Variants in WWOX observed in about 807,000 individuals in gnomAD.
The protein encoded by WWOX is WW domain containing oxidoreductase.
A neutral mutation model predicts 46.2 loss-of-function variants in WWOX; 69 were observed. That is an observed-to-expected ratio of 1.49 (90% confidence interval 1.23 to 1.82). WWOX has a LOEUF of 1.82. Among genes scored for constraint, WWOX ranks in the 40% most tolerant of loss-of-function variants. WWOX has a pLI of 0.00. For missense variants in WWOX, 919 were observed against 542.6 expected (o/e 1.69, Z -6.89); for synonymous variants, 359 against 202.6 (o/e 1.77, Z -6.56).
chr16:78,781,823 G>T (rs1393871861), intron 8 of WWOX, among the ~76,000 whole-genome samples: 1 of 152,206 alleles, frequency 6.6e-6, no homozygotes, highest in African/African-American at 2.4e-5. Context: ...CTAAGTAGAA[G>T]TAATGATGAC....
intron 8 of WWOX, among the ~76,000 whole-genome samples, chr16:78,440,975 C>G (rs536197183): frequency 6.6e-6 from 1 of 152,052 alleles, no homozygotes; most frequent in African/African-American, 2.4e-5. Context: ...TGAAGTCTTG[C>G]TCTGTCACCT....
At chr16:78,981,935 A>G (rs1237098697) in intron 8 of WWOX, 1 of 152,168 alleles carries the variant, frequency 6.6e-6, no homozygotes, top group Non-Finnish European at 1.5e-5. Context: ...TGGATGCTAC[A>G]ACTGTATGTC....
chr16:78,260,074 T>A (rs1488546542), intron 5 of WWOX, among the ~76,000 whole-genome samples: 11 of 151,090 alleles, frequency 7.3e-5, no homozygotes, highest in Non-Finnish European at 1.5e-4. Flanking sequence ...ACAGGAGCGT[T>A]TCTGCTGGAA....
intron 8 of WWOX, among the ~76,000 whole-genome samples, chr16:78,726,390 G>A (rs139720282): frequency 1.7e-3 from 257 of 151,846 alleles, no homozygotes; most frequent in East Asian, 5.3e-3. Context: ...CACACGTGGC[G>A]TATTTTTAAA....
chr16:78,430,336 C>G (rs958222296), intron 7 of WWOX, among the ~76,000 whole-genome samples: 1 of 152,038 alleles, frequency 6.6e-6, no homozygotes, highest in African/African-American at 2.4e-5. Context: ...GGGGACACAG[C>G]CGAACCGTAT....
intron 8 of WWOX, among the ~76,000 whole-genome samples, chr16:78,609,228 T>C (rs908179324): frequency 3.9e-5 from 6 of 152,190 alleles, no homozygotes; most frequent in Non-Finnish European, 8.8e-5. Flanking sequence ...TCCTGACAGG[T>C]TTTTGGTGTT....
chr16:79,180,397 T>C (rs2050886993), intron 8 of WWOX, among the ~76,000 whole-genome samples: 1 of 152,238 alleles, frequency 6.6e-6, no homozygotes, highest in Non-Finnish European at 1.5e-5. Context: ...GTTTATTTCT[T>C]CATCAGATAT....
chr16:78,659,916 G>C (rs12929711), intron 8 of WWOX, among the ~76,000 whole-genome samples: 33,657 of 152,026 alleles, frequency 0.22, 3,840 homozygotes, highest in Non-Finnish European at 0.23. Flanking sequence ...CTCATCCCAA[G>C]GGCTGTCACC....
intron 8 of WWOX, among the ~76,000 whole-genome samples, chr16:78,607,511 T>C (rs757062309): frequency 1.3e-5 from 2 of 152,248 alleles, no homozygotes; most frequent in Non-Finnish European, 2.9e-5. Context: ...GGCTGTAATT[T>C]AGCAAAGTCT....
chr16:78,929,256 T>TA (rs1169488872), intron 8 of WWOX, among the ~76,000 whole-genome samples: 1 of 71,664 alleles, frequency 1.4e-5, no homozygotes, highest in Admixed American at 1.0e-4. Context: ...ATACAGTGAT[T>TA]TTTTTTTTTG....
chr16:78,922,051 G>A (rs2045391376), intron 8 of WWOX, among the ~76,000 whole-genome samples: 1 of 152,168 alleles, frequency 6.6e-6, no homozygotes, highest in Non-Finnish European at 1.5e-5. Context: ...TCTATGTGTG[G>A]CAGTATGCAT....
intron 8 of WWOX, among the ~76,000 whole-genome samples, chr16:78,663,166 C>A (rs1006125079): frequency 2.0e-5 from 3 of 152,160 alleles, no homozygotes; most frequent in Non-Finnish European, 4.4e-5. Flanking sequence ...CTATTTTATA[C>A]CCCCGATCTC....
chr16:78,613,324 G>T (rs1409730388), intron 8 of WWOX, among the ~76,000 whole-genome samples: 3 of 152,150 alleles, frequency 2.0e-5, no homozygotes, highest in African/African-American at 7.2e-5. Context: ...GTTCCTTGAA[G>T]TCCCGATGCG....
At chr16:78,506,880 T>G (rs184936988) in intron 8 of WWOX, among the ~76,000 whole-genome samples, 68 of 152,030 alleles carry the variant, frequency 4.5e-4, no homozygotes, top group Non-Finnish European at 8.1e-4. Context: ...GCCTGGCTAA[T>G]TTTTTGTATT....
At chr16:78,579,196 A>G (rs986237555) in intron 8 of WWOX, among the ~76,000 whole-genome samples, 2 of 152,122 alleles carry the variant, frequency 1.3e-5, no homozygotes, top group African/African-American at 4.8e-5. Context: ...TGTGGGTGTT[A>G]CTTTACTAAC....
At chr16:78,665,227 C>T (rs761161034) in intron 8 of WWOX, among the ~76,000 whole-genome samples, 6 of 152,094 alleles carry the variant, frequency 3.9e-5, no homozygotes, top group Admixed American at 1.3e-4. Context: ...TCTGGAGTCA[C>T]GGGCTGAATT....
At chr16:78,809,128 C>A (rs1489115374) in intron 8 of WWOX, among the ~76,000 whole-genome samples, 1 of 151,854 alleles carries the variant, frequency 6.6e-6, no homozygotes, top group Non-Finnish European at 1.5e-5. Context: ...TGTCTGTTCT[C>A]CCCCTGCACC....
At chr16:78,330,769 C>G (rs752871636) in intron 5 of WWOX, among the ~76,000 whole-genome samples, 3 of 152,220 alleles carry the variant, frequency 2.0e-5, no homozygotes, top group Admixed American at 6.5e-5. Context: ...ATATTCATCT[C>G]ACTTCTTTCA....
At chr16:78,670,245 C>T (rs976389106) in intron 8 of WWOX, among the ~76,000 whole-genome samples, 5 of 152,134 alleles carry the variant, frequency 3.3e-5, no homozygotes, top group Admixed American at 3.3e-4. Flanking sequence ...TGTTGAATGC[C>T]AGCCACTCTT....
Sources: gnomAD v4.1 joint callset for allele counts (sites outside exome capture counted in the v4.1 genomes callset) on GRCh38, gnomAD v4.1.1 for gene constraint, MANE v1.5 for transcripts, NCBI Gene and HGNC (gene_info 2026-07-23, HGNC 2026-07-21) for gene names.